MAP4K4: variants seen among roughly 807,000 people sequenced by gnomAD.
MAP4K4 encodes the protein mitogen-activated protein kinase kinase kinase kinase 4.
In MAP4K4, 38 loss-of-function variants were observed where a neutral mutation model predicts 189.6. That is an observed-to-expected ratio of 0.20 (90% CI 0.15 to 0.26). MAP4K4 has a LOEUF of 0.26. Among genes scored for constraint, MAP4K4 ranks in the 10% least tolerant of loss-of-function variants. MAP4K4 has a pLI of 1.00. For missense variants in MAP4K4, 1,054 were observed against 1,726.9 expected (o/e 0.61, Z 6.91); for synonymous variants, 610 against 624.3 (o/e 0.98, Z 0.34).
rs2097867397 is a variant in MAP4K4, at chr2:101,868,052, T to G, written c.2463+15T>G. The G allele has an allele frequency of 1.2e-6, 2 of 1,611,502 alleles. No homozygotes were observed. Among genetic ancestry groups the G allele is most frequent in the Non-Finnish European group, 1.7e-6 (2 of 1,178,858 alleles). On this transcript the variant is annotated intron_variant, in intron 21 of 32. Coordinates refer to ENST00000324219, the Ensembl canonical transcript of MAP4K4. ...AGGGCGAAGTGGTAAGCGCCATCTC[T>G]GAAAAGTTCCACTTCAGAGCAGCAC...
At chr2:101,883,182 T>C (rs749768178) in intron 28 of MAP4K4, among the ~76,000 whole-genome samples, 10 of 152,230 alleles carry the variant, frequency 6.6e-5, no homozygotes, top group Non-Finnish European at 1.3e-4. Flanking sequence ...GCCTGCCATT[T>C]TGAATTAAGT....
chr2:101,843,040 A>G (rs1319311831), intron 11 of MAP4K4, among the ~76,000 whole-genome samples: 2 of 152,192 alleles, frequency 1.3e-5, no homozygotes, highest in African/African-American at 4.8e-5. Context: ...CTACACAAAA[A>G]GAATTGTCCC....
chr2:101,781,345 G>A (rs1326084376), intron 2 of MAP4K4, among the ~76,000 whole-genome samples: 2 of 152,066 alleles, frequency 1.3e-5, no homozygotes, highest in East Asian at 3.9e-4. Context: ...TGCCCAGCCA[G>A]ATCTTCCCTC....
chr2:101,827,184 A>T (rs2096399582), intron 5 of MAP4K4, among the ~76,000 whole-genome samples: 1 of 152,186 alleles, frequency 6.6e-6, no homozygotes, highest in African/African-American at 2.4e-5. Context: ...TCTCTAAGCC[A>T]ACTTGAGTGT....
intron 2 of MAP4K4, among the ~76,000 whole-genome samples, chr2:101,774,427 C>T (rs1471736046): frequency 1.3e-5 from 2 of 152,022 alleles, no homozygotes; most frequent in South Asian, 2.1e-4. Context: ...TTTCCTATAG[C>T]GTTGTTTGAG....
At chr2:101,737,806 T>G (rs1005402391) in intron 2 of MAP4K4, among the ~76,000 whole-genome samples, 1 of 152,088 alleles carries the variant, frequency 6.6e-6, no homozygotes, top group Non-Finnish European at 1.5e-5. Flanking sequence ...CTGCCTTTTC[T>G]CTCTACTCTC....
At chr2:101,782,419 T>C (rs945829538) in intron 2 of MAP4K4, among the ~76,000 whole-genome samples, 1 of 152,254 alleles carries the variant, frequency 6.6e-6, no homozygotes, top group Admixed American at 6.5e-5. Context: ...TTAAGGTCTT[T>C]AGGGAATGGA....
chr2:101,727,038 C>A (rs1035375583), intron 2 of MAP4K4, among the ~76,000 whole-genome samples: 1 of 152,086 alleles, frequency 6.6e-6, no homozygotes, highest in Non-Finnish European at 1.5e-5. Flanking sequence ...CCCATGATAA[C>A]CTATTAGTCC....
At chr2:101,887,317 C>A in intron 30 of MAP4K4, 80 bp downstream of exon 30, 1 of 1,382,590 alleles carries the variant, frequency 7.2e-7, no homozygotes, top group Non-Finnish European at 9.8e-7. Context: ...GCTTAGTGAA[C>A]TAACACAAGC....
At chr2:101,799,721 C>T (rs1396289959) in intron 3 of MAP4K4, among the ~76,000 whole-genome samples, 1 of 152,118 alleles carries the variant, frequency 6.6e-6, no homozygotes, top group Non-Finnish European at 1.5e-5. Context: ...CCTACCTCAG[C>T]CTCCTGAGTA....
chr2:101,874,256 G>A lies in MAP4K4; in HGVS notation c.3241+4G>A, dbSNP rs760140939. The stretch of plus-strand genomic sequence containing the variant: ...ATTCTGTGTGCTGCCTTATGGGGTA[G>A]GTGTCTAGCCACTACTCCAACACTT... On this transcript the variant is annotated splice_donor_region_variant and intron_variant, in intron 26 of 32. Transcript: ENST00000324219. 6.2e-6 allele frequency: 10 copies of A among 1,604,034 alleles called. No individual in the cohort carries two copies. The South Asian group carries it at 1.1e-4, about 18-fold the overall frequency.
chr2:101,883,408 T>G (rs1279502891), intron 28 of MAP4K4, among the ~76,000 whole-genome samples: 1 of 152,130 alleles, frequency 6.6e-6, no homozygotes, highest in Non-Finnish European at 1.5e-5. Context: ...CTCAGCTCAC[T>G]GCAACCTCCA....
chr2:101,731,850 C>T (rs534834111), intron 2 of MAP4K4, among the ~76,000 whole-genome samples: 1 of 151,814 alleles, frequency 6.6e-6, no homozygotes, highest in Non-Finnish European at 1.5e-5. Context: ...GTTTTTCATT[C>T]ACTCAGGATT....
intron 3 of MAP4K4, among the ~76,000 whole-genome samples, chr2:101,798,778 A>G (rs1027538384): frequency 3.3e-5 from 5 of 152,270 alleles, no homozygotes; most frequent in African/African-American, 1.2e-4. Flanking sequence ...AAAACATAGT[A>G]GATACACACT....
intron 2 of MAP4K4, among the ~76,000 whole-genome samples, chr2:101,743,129 A>G (rs180764078): frequency 4.6e-5 from 7 of 152,324 alleles, no homozygotes; most frequent in Admixed American, 2.6e-4. Context: ...GGGATGTGTG[A>G]GCAGAAGGTA....
intron 3 of MAP4K4, among the ~76,000 whole-genome samples, chr2:101,823,109 A>G (rs2096172550): frequency 6.6e-6 from 1 of 152,196 alleles, no homozygotes; most frequent in South Asian, 2.1e-4. Context: ...CCAGGTTTAT[A>G]TGAGAGAGAG....
intron 2 of MAP4K4, among the ~76,000 whole-genome samples, chr2:101,749,761 T>C (rs2067665016): frequency 6.9e-6 from 1 of 144,386 alleles, no homozygotes; most frequent in Non-Finnish European, 1.5e-5. Context: ...AACCTACTCA[T>C]CTGACAAAGG....
chr2:101,871,346 G>A (rs897293945), intron 23 of MAP4K4, 148 bp from the exon 24 acceptor site: 19 of 582,620 alleles, frequency 3.3e-5, no homozygotes, highest in Non-Finnish European at 4.1e-5. Context: ...GTGAGGAAGT[G>A]TGAGCAGTTC....
chr2:101,808,722 A>G lies in MAP4K4; in HGVS notation c.181-15206A>G, dbSNP rs192514934. On this transcript the variant is annotated intron_variant, in intron 3 of 32. Transcript: ENST00000324219. Reference sequence around the variant, plus strand: ...TAAAATATAGAGAAGTAAAAAGATGAAAAAAATTACACTCATAATTCCATC... The same window carrying G: ...TAAAATATAGAGAAGTAAAAAGATGGAAAAAATTACACTCATAATTCCATC... 1.3e-3 allele frequency among the ~76,000 whole-genome samples: 191 copies of G among 151,860 alleles called. 1 individual carries two copies. Among genetic ancestry groups the G allele is most frequent in the African/African-American group, 4.5e-3 (187 of 41,154 alleles).
Sources: gnomAD v4.1 joint callset for allele counts (sites outside exome capture counted in the v4.1 genomes callset) on GRCh38, gnomAD v4.1.1 for gene constraint, MANE v1.5 for transcripts, NCBI Gene and HGNC (gene_info 2026-07-23, HGNC 2026-07-21) for gene names.